SCAPER: variants seen among roughly 807,000 people sequenced by gnomAD.
SCAPER encodes S phase cyclin A-associated protein in the endoplasmic reticulum.
A neutral mutation model predicts 182.2 loss-of-function variants in SCAPER; 98 were observed. The observed-to-expected ratio is 0.54, with a 90% confidence interval of 0.46 to 0.64. The LOEUF is 0.64. SCAPER is among the 30% of genes least tolerant of loss of function. SCAPER has a pLI of 0.00. For missense variants in SCAPER, 1,432 were observed against 1,690.0 expected (o/e 0.85, Z 2.68); for synonymous variants, 605 against 564.6 (o/e 1.07, Z -1.01).
chr15:76,567,473 T>A lies in SCAPER; in HGVS notation c.2838+6685A>T, dbSNP rs2047122716. The A allele has an allele frequency of 1.1e-5, 4 of 359,510 alleles. No individual in the cohort carries two copies. The Admixed American group carries it at 1.2e-4, about 11-fold the overall frequency. 22.3% of individuals were successfully genotyped at this position (359,510 alleles called of 1,614,324 possible). A position where few individuals can be genotyped will look rare whatever the true frequency, so the allele number is the denominator to read the frequency against. ...CAACAGCAGACTGTTTGCTACATGG[T>A]AGGCTCAACTTATGTTATCACAAAC... On this transcript the variant is annotated intron_variant, in intron 23 of 31. Transcript: ENST00000563290.
intron 23 of SCAPER, among the ~76,000 whole-genome samples, chr15:76,529,027 T>A (rs140110699): frequency 2.0e-5 from 3 of 152,332 alleles, no homozygotes; most frequent in African/African-American, 7.2e-5. Context: ...GTTACTGGAT[T>A]TATGTGCTCT....
intron 2 of SCAPER, among the ~76,000 whole-genome samples, chr15:76,873,378 G>A (rs1381207042): frequency 1.8e-5 from 2 of 113,444 alleles, no homozygotes; most frequent in Non-Finnish European, 3.9e-5. Flanking sequence ...AGGCAGGCAG[G>A]CAGGCAGGCA....
chr15:76,383,030 C>T (rs1253352908), intron 27 of SCAPER, among the ~76,000 whole-genome samples: 1 of 151,942 alleles, frequency 6.6e-6, no homozygotes, highest in Non-Finnish European at 1.5e-5. Flanking sequence ...TAATACCTTT[C>T]CCTACTTTTT....
intron 2 of SCAPER, among the ~76,000 whole-genome samples, chr15:76,871,268 G>C (rs1035517086): frequency 2.0e-5 from 3 of 151,742 alleles, no homozygotes; most frequent in African/African-American, 7.3e-5. Flanking sequence ...AATTAACTGG[G>C]CATGGTGGTG....
At chr15:76,784,746 T>C (rs2064452609) in intron 8 of SCAPER, among the ~76,000 whole-genome samples, 1 of 152,118 alleles carries the variant, frequency 6.6e-6, no homozygotes, top group African/African-American at 2.4e-5. Flanking sequence ...TCTACAACCA[T>C]CTGACCTTTG....
At chr15:76,510,885 G>A (rs55729975) in intron 23 of SCAPER, among the ~76,000 whole-genome samples, 58,395 of 150,698 alleles carry the variant, frequency 0.39, 12,930 homozygotes, top group Middle Eastern at 0.52. Context: ...GTGTGTGTGT[G>A]TGTGCGCGCG....
At position 76,601,754 on chromosome 15, in the gene SCAPER, T is replaced by C. The variant is rs746491798; in HGVS notation, c.2711+20010A>G. ...TAATGCTATACTGCTTCACAGGTAG[T>C]GCTGTGAAATACCTTATAATAACAA... On this transcript the variant is annotated intron_variant, in intron 22 of 31. Coordinates refer to ENST00000563290, the MANE Select transcript of SCAPER (RefSeq NM_020843.4). Among the ~76,000 whole-genome samples, 8 of 121,882 alleles carry C rather than the reference T, an allele frequency of 6.6e-5. 4 individuals are homozygous for C. Among genetic ancestry groups the C allele is most frequent in the Non-Finnish European group, 1.6e-4 (8 of 50,120 alleles). 80.0% of individuals were successfully genotyped at this position (121,882 alleles called of 152,430 possible).
Position 76,603,309 on chromosome 15 carries a change from G to A in SCAPER, c.2711+18455C>T, listed in dbSNP as rs1410054018. ...TGTTTTTTTGTCCTTGCGATAGTTT[G>A]CTGAGAATGATGATTTCCAATTTCA... On this transcript the variant is annotated intron_variant, in intron 22 of 31. Transcript: ENST00000563290. Among the ~76,000 whole-genome samples, 18 of 119,704 alleles carry A rather than the reference G, an allele frequency of 1.5e-4. 7 individuals carry two copies. The highest frequency in any genetic ancestry group is 1.3e-3 in the South Asian group (5 of 3,840). 78.5% of individuals were successfully genotyped at this position (119,704 alleles called of 152,430 possible).
intron 23 of SCAPER, among the ~76,000 whole-genome samples, chr15:76,537,143 C>T (rs1232858859): frequency 6.6e-6 from 1 of 151,320 alleles, no homozygotes; most frequent in Non-Finnish European, 1.5e-5. Flanking sequence ...CCATACTGCC[C>T]AAGGTAATTT....
At chr15:76,600,952 C>A (rs962693353) in intron 22 of SCAPER, among the ~76,000 whole-genome samples, 1 of 119,094 alleles carries the variant, frequency 8.4e-6, no homozygotes, top group Non-Finnish European at 2.0e-5. Context: ...TGGAAAGGAC[C>A]AATAAAAAAC....
At chr15:76,788,499 A>G (rs1295500585) in intron 8 of SCAPER, among the ~76,000 whole-genome samples, 2 of 152,216 alleles carry the variant, frequency 1.3e-5, no homozygotes, top group African/African-American at 2.4e-5. Context: ...ATGAATCACT[A>G]AAGGTAAAAA....
At chr15:76,548,704 C>T (rs1023644636) in intron 23 of SCAPER, among the ~76,000 whole-genome samples, 1 of 152,200 alleles carries the variant, frequency 6.6e-6, no homozygotes, top group Non-Finnish European at 1.5e-5. Flanking sequence ...AAAGGATTCC[C>T]TATTTAATAA....
intron 24 of SCAPER, among the ~76,000 whole-genome samples, chr15:76,486,542 G>A (rs780328159): frequency 3.9e-5 from 6 of 151,926 alleles, no homozygotes; most frequent in Admixed American, 2.0e-4. Flanking sequence ...AAAAGTAGGC[G>A]AAGGACATAA....
intron 21 of SCAPER, among the ~76,000 whole-genome samples, chr15:76,624,628 T>C (rs190645631): frequency 4.7e-4 from 72 of 152,342 alleles, no homozygotes; most frequent in Non-Finnish European, 8.2e-4. Flanking sequence ...ATCAGTGGTG[T>C]CTGTGATTTC....
intron 5 of SCAPER, among the ~76,000 whole-genome samples, chr15:76,819,900 A>AAAAAC (rs2151638857): frequency 6.6e-6 from 1 of 152,308 alleles, no homozygotes; most frequent in South Asian, 2.1e-4. Flanking sequence ...TTACAAGAAA[A>AAAAAC]AAACAACCCC....
intron 25 of SCAPER, among the ~76,000 whole-genome samples, chr15:76,437,966 T>C (rs150778902): frequency 4.3e-4 from 66 of 152,206 alleles, no homozygotes; most frequent in African/African-American, 1.4e-3. Context: ...TCTTGGTTTA[T>C]AGAAACAGAA....
chr15:76,738,027 T>C (rs996464528), intron 15 of SCAPER, among the ~76,000 whole-genome samples: 10 of 152,256 alleles, frequency 6.6e-5, no homozygotes, highest in Admixed American at 6.5e-4. Flanking sequence ...TGCTTTCTTA[T>C]CATTCATATG....
chr15:76,454,606 T>C (rs1023706132), intron 25 of SCAPER, among the ~76,000 whole-genome samples: 1 of 152,208 alleles, frequency 6.6e-6, no homozygotes, highest in African/African-American at 2.4e-5. Context: ...CTCATTTTTA[T>C]AATTCATTGA....
rs1209911629 is a variant in SCAPER at position 76,845,946 on chromosome 15, C to T, written c.196-4015G>A. Among the ~76,000 whole-genome samples the T allele has an allele frequency of 2.6e-5, 4 of 151,824 alleles. No homozygotes were observed. The South Asian group carries it at 6.2e-4, about 24-fold the overall frequency. On this transcript the variant is annotated intron_variant, in intron 4 of 31. Transcript: ENST00000563290. ...TCACATTACCTGAATTAAAGTTATA[C>T]TAAAGAACTATAGTAACTCAAACAG...
Sources: allele counts gnomAD v4.1 joint callset (sites outside exome capture counted in the v4.1 genomes callset), GRCh38; gene constraint gnomAD v4.1.1; transcripts MANE v1.5; gene names NCBI Gene and HGNC (gene_info 2026-07-23, HGNC 2026-07-21).